Variants in FBRSL1 observed in about 807,000 individuals in gnomAD.
FBRSL1 encodes the protein fibrosin like 1.
A neutral mutation model predicts 89.6 loss-of-function variants in FBRSL1; 51 were observed. The ratio of observed to expected loss-of-function variants is 0.57; its 90% CI spans 0.45 to 0.72. The LOEUF (loss-of-function observed/expected upper bound fraction) is 0.72, where lower values mean the gene tolerates loss of function less well. Among genes scored for constraint, FBRSL1 ranks in the 30% least tolerant of loss-of-function variants. The pLI, the probability that FBRSL1 is intolerant of heterozygous loss-of-function variation, is 0.00. For missense variants in FBRSL1, 1,618 were observed against 1,451.8 expected (o/e 1.11, Z -1.86); for synonymous variants, 779 against 681.1 (o/e 1.14, Z -2.24).
chr12:132,566,981 G>C (rs1236601940), intron 5 of FBRSL1, among the ~76,000 whole-genome samples: 1 of 152,258 alleles, frequency 6.6e-6, no homozygotes, highest in Admixed American at 6.5e-5. Flanking sequence ...CACATGTCCA[G>C]CCTGGTCGGT....
At chr12:132,494,465 A>C (rs2031648715) in intron 1 of FBRSL1, among the ~76,000 whole-genome samples, 1 of 152,212 alleles carries the variant, frequency 6.6e-6, no homozygotes. Flanking sequence ...GAGATAGGCC[A>C]GGCCTGCTTA....
At position 132,584,824 on chromosome 12, in the gene FBRSL1, A is replaced by ACACACACG. The variant is rs2041022560; in HGVS notation, c.*1053_*1054insGCACACAC. ...AAGAGTCTAAAGGCTGATTTTACAC[A>ACACACACG]CACACACACACACACACACACACAC... On this transcript the variant is annotated 3_prime_UTR_variant, in exon 19 of 19. Coordinates refer to ENST00000680143, the MANE Select transcript of FBRSL1 (RefSeq NM_001367871.1). 2.2e-5 allele frequency: 1 copy of ACACACACG among 45,848 alleles called. No homozygotes were observed. Among genetic ancestry groups the ACACACACG allele is most frequent in the African/African-American group, 9.6e-5 (1 of 10,390 alleles). 2.8% of individuals were successfully genotyped at this position (45,848 alleles called of 1,614,324 possible).
chr12:132,498,568 A>T (rs889873538), intron 1 of FBRSL1, among the ~76,000 whole-genome samples: 2 of 152,058 alleles, frequency 1.3e-5, no homozygotes, highest in African/African-American at 4.8e-5. Flanking sequence ...CCATGTGGGG[A>T]TGTGGGTCAT....
intron 6 of FBRSL1, among the ~76,000 whole-genome samples, chr12:132,568,365 C>T (rs2039776660): frequency 6.6e-6 from 1 of 152,276 alleles, no homozygotes; most frequent in South Asian, 2.1e-4. Flanking sequence ...CAGGCATGGC[C>T]TTCACCTGCC....
At position 132,570,515 on chromosome 12, in the gene FBRSL1, C is replaced by A. The variant is rs1285757607; in HGVS notation, c.1188C>A (p.Ser396Arg). Residue 396 changes from serine to arginine, a missense_variant, in exon 8 of 19, where the codon AGC (serine) becomes AGA (arginine). Physicochemically the swap from Ser to Arg is moderately radical, Grantham distance 110 (BLOSUM62 -1). Transcript: ENST00000680143. ...LPPPPALPAS[S>R]LVLPGHPADA... ...CGCCCCCGGCGCTGCCGGCCAGCAG[C>A]CTGGTCCTCCCAGGACACCCGGCCG... The A allele has an allele frequency of 6.6e-7, 1 of 1,524,364 alleles. No individual in the cohort carries two copies. Among genetic ancestry groups the A allele is most frequent in the African/African-American group, 1.4e-5 (1 of 72,108 alleles). The allele number at this position is 1,524,364 out of a possible 1,614,324, so 94.4% of individuals were successfully genotyped here.
At chr12:132,507,927 T>G (rs529710864) in intron 1 of FBRSL1, among the ~76,000 whole-genome samples, 2 of 152,240 alleles carry the variant, frequency 1.3e-5, no homozygotes, top group South Asian at 4.1e-4. Context: ...GCCCCTTCGA[T>G]GGCTGAGCCC....
At chr12:132,531,873 A>T (rs1215640915) in intron 4 of FBRSL1, among the ~76,000 whole-genome samples, 1 of 152,206 alleles carries the variant, frequency 6.6e-6, no homozygotes, top group Non-Finnish European at 1.5e-5. Flanking sequence ...TTTTGTCCAC[A>T]TTGGTGGCCA....
chr12:132,511,076 C>T, intron 2 of FBRSL1: 1 of 985,720 alleles, frequency 1.0e-6, no homozygotes, highest in South Asian at 4.7e-5. Context: ...CAGTCCAGGC[C>T]CTCCCCCTGG....
At chr12:132,563,889 CT>C (rs1370942579) in intron 5 of FBRSL1, among the ~76,000 whole-genome samples, 3 of 99,854 alleles carry the variant, frequency 3.0e-5, no homozygotes, top group Non-Finnish European at 3.6e-5. Context: ...CCCGTCGCCC[CT>C]GAACCCCCGA....
At chr12:132,511,980 G>A (rs895969768) in intron 2 of FBRSL1, 5 of 985,330 alleles carry the variant, frequency 5.1e-6, no homozygotes, top group African/African-American at 1.7e-5. Context: ...TTAAACAGAC[G>A]AGCATGTGTC....
In FBRSL1 at chr12:132,581,808, G is replaced by A. The variant is rs2040769870; in HGVS notation, c.1980G>A (p.Leu660=). The A allele has an allele frequency of 6.5e-7, 1 of 1,548,042 alleles. No homozygotes were observed. The highest frequency in any genetic ancestry group is 8.7e-7 in the Non-Finnish European group (1 of 1,145,714). The part of the protein sequence containing the change: ...GSLSSHAFGG[L]GSHALAPGGS... ...TGAGCAGCCACGCCTTTGGGGGCCTGGGCAGCCATGCACTGGGTGAGTGAC... is the reference window on the plus strand; with the variant it reads ...TGAGCAGCCACGCCTTTGGGGGCCTAGGCAGCCATGCACTGGGTGAGTGAC... Residue 660 remains leucine (L), a synonymous_variant, in exon 17 of 19, where the codon CTG becomes CTA. Transcript: ENST00000680143.
intron 4 of FBRSL1, among the ~76,000 whole-genome samples, chr12:132,536,635 G>C (rs774476456): frequency 6.6e-6 from 1 of 151,302 alleles, no homozygotes; most frequent in Non-Finnish European, 1.5e-5. Flanking sequence ...GTACATGATG[G>C]TGTGAGTGCA....
intron 1 of FBRSL1, among the ~76,000 whole-genome samples, chr12:132,502,272 G>A (rs918284487): frequency 2.6e-5 from 4 of 152,206 alleles, no homozygotes; most frequent in African/African-American, 7.2e-5. Flanking sequence ...ACTGGTGGCC[G>A]GGGCAGGCTC....
At chr12:132,509,217 G>A (rs893053997) in intron 2 of FBRSL1, 10 of 1,251,210 alleles carry the variant, frequency 8.0e-6, no homozygotes, top group South Asian at 8.1e-5. Flanking sequence ...GGACCAGAAC[G>A]GCCCGGCCCA....
chr12:132,562,737 C>T (rs1027905023), intron 5 of FBRSL1, among the ~76,000 whole-genome samples: 24 of 152,240 alleles, frequency 1.6e-4, no homozygotes, highest in Middle Eastern at 3.4e-3. Flanking sequence ...GCCCTTCCGG[C>T]GCGTGTGGGT....
intron 2 of FBRSL1, chr12:132,509,975 C>T (rs1160840630): frequency 3.2e-6 from 4 of 1,231,324 alleles, no homozygotes; most frequent in African/African-American, 1.6e-5. Flanking sequence ...AGCCCAGCCG[C>T]CCCCGGCGGT....
intron 4 of FBRSL1, among the ~76,000 whole-genome samples, chr12:132,539,697 C>T (rs1429422935): frequency 1.6e-3 from 193 of 120,156 alleles, no homozygotes; most frequent in African/African-American, 6.5e-3. Context: ...TGCCTTCCAG[C>T]CCCATGCCCA....
At chr12:132,503,636 G>T (rs1167191091) in intron 1 of FBRSL1, among the ~76,000 whole-genome samples, 1 of 152,222 alleles carries the variant, frequency 6.6e-6, no homozygotes, top group Non-Finnish European at 1.5e-5. Context: ...GCCAGTTTCT[G>T]TTCAGCTTTT....
At chr12:132,571,419 C>T (rs1315388312) in intron 9 of FBRSL1, 188 bp downstream of exon 9, 2 of 1,550,878 alleles carry the variant, frequency 1.3e-6, no homozygotes, top group Admixed American at 2.0e-5. Flanking sequence ...TCCATCAGCA[C>T]CAGCACACAC....
Sources: gnomAD v4.1 joint callset for allele counts (sites outside exome capture counted in the v4.1 genomes callset) on GRCh38, gnomAD v4.1.1 for gene constraint, MANE v1.5 for transcripts, NCBI Gene and HGNC (gene_info 2026-07-23, HGNC 2026-07-21) for gene names.